The following PPFIA2 variants were observed in gnomAD, a reference collection of about 807,000 sequenced individuals.
PPFIA2 encodes liprin-alpha-2.
PPFIA2 carries 46 observed loss-of-function variants against 175.5 expected under a neutral mutation model. The observed-to-expected ratio is 0.26, with a 90% CI of 0.21 to 0.34. The LOEUF is 0.34. PPFIA2 is among the 10% of genes least tolerant of loss of function. The pLI, the probability that PPFIA2 is intolerant of heterozygous loss-of-function variation, is 1.00. For synonymous variants in PPFIA2, 568 were observed against 511.4 expected (o/e 1.11, Z -1.49); for missense variants, 1,179 against 1,506.1 (o/e 0.78, Z 3.60).
chr12:81,278,559 T>C (rs995530335), intron 27 of PPFIA2, among the ~76,000 whole-genome samples: 1 of 149,584 alleles, frequency 6.7e-6, no homozygotes, highest in Non-Finnish European at 1.5e-5. Context: ...AAAAAAAGTT[T>C]TCTGTTTAAG....
intron 4 of PPFIA2, among the ~76,000 whole-genome samples, chr12:81,600,522 T>A (rs950940948): frequency 2.0e-5 from 3 of 151,982 alleles, no homozygotes; most frequent in Admixed American, 6.6e-5. Context: ...CTTGAAAATT[T>A]ATGTTTTATT....
chr12:81,733,889 T>C (rs1176043929), intron 3 of PPFIA2, among the ~76,000 whole-genome samples: 4 of 151,786 alleles, frequency 2.6e-5, no homozygotes, highest in Non-Finnish European at 5.9e-5. Context: ...CATTTTATCC[T>C]GTAACCTACA....
chr12:81,640,962 A>G (rs902387960), intron 4 of PPFIA2, among the ~76,000 whole-genome samples: 1 of 152,118 alleles, frequency 6.6e-6, no homozygotes, highest in African/African-American at 2.4e-5. Flanking sequence ...TGGTGATAAA[A>G]TGAAATCGAT....
chr12:81,306,122 C>A (rs767038686), intron 22 of PPFIA2, among the ~76,000 whole-genome samples: 1 of 152,152 alleles, frequency 6.6e-6, no homozygotes, highest in Non-Finnish European at 1.5e-5. Context: ...TTCATACTTT[C>A]TAATGTATCT....
chr12:81,679,868 T>G (rs2073281128), intron 3 of PPFIA2, among the ~76,000 whole-genome samples: 1 of 151,964 alleles, frequency 6.6e-6, no homozygotes, highest in Non-Finnish European at 1.5e-5. Context: ...TGGATACATT[T>G]ATGTTGTAAA....
At chr12:81,411,218 G>A (rs1366637751) in intron 7 of PPFIA2, among the ~76,000 whole-genome samples, 6 of 151,996 alleles carry the variant, frequency 3.9e-5, no homozygotes, top group East Asian at 1.9e-4. Flanking sequence ...TGTGTTCCTC[G>A]CACTGTAAGT....
chr12:81,727,827 A>G (rs1325208450), intron 3 of PPFIA2, among the ~76,000 whole-genome samples: 1 of 151,384 alleles, frequency 6.6e-6, no homozygotes, highest in Non-Finnish European at 1.5e-5. Context: ...TTAGCTGAGT[A>G]TGTCTGAATC....
chr12:81,491,584 A>T (rs1388222363), intron 4 of PPFIA2, among the ~76,000 whole-genome samples: 1 of 151,906 alleles, frequency 6.6e-6, no homozygotes, highest in Non-Finnish European at 1.5e-5. Flanking sequence ...TGATGAAAAG[A>T]GGAGACATGA....
chr12:81,516,572 G>C (rs1471885890), intron 4 of PPFIA2, among the ~76,000 whole-genome samples: 1 of 152,106 alleles, frequency 6.6e-6, no homozygotes, highest in Non-Finnish European at 1.5e-5. Context: ...AATTTGGACA[G>C]AGACAAACAC....
intron 4 of PPFIA2, among the ~76,000 whole-genome samples, chr12:81,676,220 C>T (rs2072481242): frequency 6.6e-6 from 1 of 152,024 alleles, no homozygotes; most frequent in Non-Finnish European, 1.5e-5. Context: ...AGCATGAAGT[C>T]ATAGGGATGT....
At chr12:81,712,672 G>A (rs986576906) in intron 3 of PPFIA2, among the ~76,000 whole-genome samples, 1 of 150,894 alleles carries the variant, frequency 6.6e-6, no homozygotes, top group African/African-American at 2.4e-5. Flanking sequence ...GATTTAACAG[G>A]TGCCTTACTG....
intron 4 of PPFIA2, among the ~76,000 whole-genome samples, chr12:81,643,285 A>C (rs1393776090): frequency 1.3e-5 from 2 of 151,766 alleles, no homozygotes; most frequent in African/African-American, 4.8e-5. Context: ...AATAGACATC[A>C]AGAAACTGAA....
chr12:81,384,799 A>G (rs919396774), intron 8 of PPFIA2, among the ~76,000 whole-genome samples: 6 of 152,122 alleles, frequency 3.9e-5, no homozygotes, highest in African/African-American at 1.4e-4. Flanking sequence ...TAGTATAGAA[A>G]AGTTTTTATT....
intron 3 of PPFIA2, among the ~76,000 whole-genome samples, chr12:81,744,514 C>T (rs1471725322): frequency 1.3e-5 from 2 of 151,412 alleles, no homozygotes; most frequent in Admixed American, 1.3e-4. Flanking sequence ...CCTCTGACTC[C>T]CGGGTTCAAG....
chr12:81,296,178 G>T (rs1434709296), intron 23 of PPFIA2, among the ~76,000 whole-genome samples: 1 of 151,920 alleles, frequency 6.6e-6, no homozygotes, highest in Non-Finnish European at 1.5e-5. Context: ...AATCAGCCAG[G>T]CGTGGTGGCA....
chr12:81,663,252 CCT>C (rs1555571569), intron 4 of PPFIA2, among the ~76,000 whole-genome samples: 11 of 152,064 alleles, frequency 7.2e-5, no homozygotes, highest in Non-Finnish European at 8.8e-5. Context: ...TCAAATTGTC[CCT>C]GTTTGCAGAT....
intron 4 of PPFIA2, among the ~76,000 whole-genome samples, chr12:81,651,395 A>G (rs1040093583): frequency 6.6e-6 from 1 of 152,182 alleles, no homozygotes; most frequent in African/African-American, 2.4e-5. Context: ...AACATTAACA[A>G]AACTTTTTTT....
chr12:81,671,915 T>A (rs989892481), intron 4 of PPFIA2, among the ~76,000 whole-genome samples: 8 of 151,950 alleles, frequency 5.3e-5, no homozygotes, highest in Non-Finnish European at 1.5e-5. Flanking sequence ...TCTATTCCCA[T>A]CAATTGCATT....
intron 7 of PPFIA2, among the ~76,000 whole-genome samples, chr12:81,436,513 T>C (rs2049074855): frequency 6.6e-6 from 1 of 151,942 alleles, no homozygotes; most frequent in African/African-American, 2.4e-5. Flanking sequence ...AAAAGTCACC[T>C]AGTTCTTATC....
Sources: gnomAD v4.1 joint callset for allele counts (sites outside exome capture counted in the v4.1 genomes callset) on GRCh38, gnomAD v4.1.1 for gene constraint, MANE v1.5 for transcripts, NCBI Gene and HGNC (gene_info 2026-07-23, HGNC 2026-07-21) for gene names.